The following CNTNAP2 variants were observed in gnomAD, a reference collection of about 807,000 sequenced individuals.
The protein encoded by CNTNAP2 is contactin associated protein 2.
CNTNAP2 carries 98 observed loss-of-function variants against 155.2 expected under a neutral mutation model. The observed-to-expected ratio is 0.63, with a 90% CI of 0.54 to 0.75. The LOEUF (loss-of-function observed/expected upper bound fraction) is 0.75. CNTNAP2 is among the 30% of genes least tolerant of loss of function. CNTNAP2 has a pLI of 0.00. For missense variants in CNTNAP2, 1,727 were observed against 1,688.1 expected (o/e 1.02, Z -0.40); for synonymous variants, 651 against 631.2 (o/e 1.03, Z -0.47).
intron 3 of CNTNAP2, among the ~76,000 whole-genome samples, chr7:146,917,518 T>A (rs1796417727): frequency 6.6e-6 from 1 of 152,192 alleles, no homozygotes; most frequent in Non-Finnish European, 1.5e-5. Flanking sequence ...CTTAGGATTA[T>A]GATATTTTCC....
chr7:146,857,198 AAGG>A (rs140617288), intron 3 of CNTNAP2, among the ~76,000 whole-genome samples: 8,584 of 151,828 alleles, frequency 0.057, 358 homozygotes, highest in South Asian at 0.12. Flanking sequence ...GTGGTGGAAA[AAGG>A]AGAGAGAAGG....
Position 146,207,155 on chromosome 7 carries a change from G to C in CNTNAP2, c.97+90182G>C, listed in dbSNP as rs141803737. ...CCCTTTTCCAGTGGAGCCTTTTAAG[G>C]TATTCACAGCTTTCATTCTAATTTA... is the stretch of plus-strand genomic sequence containing the variant. On this transcript the variant is annotated intron_variant, in intron 1 of 23. Coordinates refer to ENST00000361727, the MANE Select transcript of CNTNAP2 (RefSeq NM_014141.6). Among the ~76,000 whole-genome samples, 755 of 151,938 alleles carry C rather than the reference G, an allele frequency of 5.0e-3. 6 individuals are homozygous for C. The highest frequency in any genetic ancestry group is 0.017 in the African/African-American group (714 of 41,506).
intron 1 of CNTNAP2, among the ~76,000 whole-genome samples, chr7:146,441,621 A>G (rs1453385248): frequency 6.6e-6 from 1 of 151,438 alleles, no homozygotes; most frequent in Non-Finnish European, 1.5e-5. Flanking sequence ...TCTGGAGTCT[A>G]CTGAGGAAGG....
chr7:148,397,570 TGCTACTAAATACA>T lies in CNTNAP2; in HGVS notation c.3716-11820_3716-11808del, dbSNP rs1457849065. Among the ~76,000 whole-genome samples, 6 of 152,362 alleles carry T rather than the reference TGCTACTAAATACA, an allele frequency of 3.9e-5. No individual in the cohort carries two copies. In the East Asian group the frequency reaches 1.2e-3, roughly 29 times the overall value. On this transcript the variant is annotated intron_variant, in intron 22 of 23. Coordinates refer to ENST00000361727, the MANE Select transcript of CNTNAP2 (RefSeq NM_014141.6). ...TTTGCATACCTGTTGGTGAAATCCC[TGCTACTAAATACA>T]CTTTGCTTTTTCTTGTTCCACATTC... is the stretch of plus-strand genomic sequence containing the variant.
At position 147,073,989 on chromosome 7, in the gene CNTNAP2, T is replaced by C. The variant is rs116367322; in HGVS notation, c.550+29935T>C. Among the ~76,000 whole-genome samples, 1,079 of 152,300 alleles carry C rather than the reference T, an allele frequency of 7.1e-3. 18 individuals are homozygous for C. The highest frequency in any genetic ancestry group is 0.024 in the African/African-American group (1,002 of 41,570). On this transcript the variant is annotated intron_variant, in intron 4 of 23. Transcript: ENST00000361727. ...GAGGCATTTCATTTGTTCGCTCTTT[T>C]AAACAGCCTGCTTTTGGAATCAAGA...
Position 146,512,639 on chromosome 7 carries a change from C to A in CNTNAP2, c.98-261632C>A, listed in dbSNP as rs763546660. Among the ~76,000 whole-genome samples the A allele has an allele frequency of 5.3e-5, 8 of 151,380 alleles. No individual in the cohort carries two copies. In the East Asian group the frequency reaches 1.4e-3, roughly 26 times the overall value. ...GATTTATGATTTTTTCCATTGTGGT[C>A]GGAAAAGATATTTAATACTTGACTG... On this transcript the variant is annotated intron_variant, in intron 1 of 23. Coordinates refer to ENST00000361727, the MANE Select transcript of CNTNAP2 (RefSeq NM_014141.6).
At chr7:146,661,301 G>T (rs1277831004) in intron 1 of CNTNAP2, among the ~76,000 whole-genome samples, 1 of 151,194 alleles carries the variant, frequency 6.6e-6, no homozygotes, top group Non-Finnish European at 1.5e-5. Flanking sequence ...TTTTAATTGG[G>T]TTCATTAAAT....
intron 13 of CNTNAP2, among the ~76,000 whole-genome samples, chr7:147,888,614 A>C (rs1799636173): frequency 6.6e-6 from 1 of 151,816 alleles, no homozygotes; most frequent in Non-Finnish European, 1.5e-5. Context: ...AGTGGATGTA[A>C]GCCAGAATGA....
intron 2 of CNTNAP2, among the ~76,000 whole-genome samples, chr7:146,775,336 CTG>C (rs1358593109): frequency 6.6e-6 from 1 of 152,036 alleles, no homozygotes; most frequent in Non-Finnish European, 1.5e-5. Context: ...TGAAAAATAA[CTG>C]TGTTGTGATG....
At chr7:146,233,617 C>A (rs1249148527) in intron 1 of CNTNAP2, among the ~76,000 whole-genome samples, 1 of 152,120 alleles carries the variant, frequency 6.6e-6, no homozygotes, top group East Asian at 1.9e-4. Context: ...CCTCCCCCTT[C>A]CCCCCACACC....
Position 148,249,931 on chromosome 7 carries a change from C to T in CNTNAP2, c.3382-17102C>T, listed in dbSNP as rs80134172. 1.2e-4 allele frequency among the ~76,000 whole-genome samples: 19 copies of T among 152,330 alleles called. No homozygotes were observed. The East Asian group carries it at 3.3e-3, about 26-fold the overall frequency. On this transcript the variant is annotated intron_variant, in intron 20 of 23. Coordinates refer to ENST00000361727, the MANE Select transcript of CNTNAP2 (RefSeq NM_014141.6). ...GCTTCCTCCCTTGCCCTTGCAGGAG[C>T]GTCTCTGACATCACTACCCCATCTG...
chr7:148,384,324 G>A (rs1799141920), intron 22 of CNTNAP2, among the ~76,000 whole-genome samples: 1 of 152,134 alleles, frequency 6.6e-6, no homozygotes, highest in Non-Finnish European at 1.5e-5. Context: ...GAATAATACT[G>A]GTGGCTTCCA....
intron 18 of CNTNAP2, among the ~76,000 whole-genome samples, chr7:148,195,049 G>C (rs1328899019): frequency 6.6e-6 from 1 of 152,150 alleles, no homozygotes; most frequent in Admixed American, 6.5e-5. Flanking sequence ...CCAAATGATT[G>C]TCAGAAATCT....
intron 19 of CNTNAP2, among the ~76,000 whole-genome samples, chr7:148,225,762 A>G (rs111956290): frequency 1.3e-5 from 2 of 152,178 alleles, no homozygotes; most frequent in Non-Finnish European, 2.9e-5. Flanking sequence ...ACAAGTGGTA[A>G]GATTCAGGGC....
In CNTNAP2 at chr7:147,046,855, C is replaced by T. The variant is rs111939183; in HGVS notation, c.550+2801C>T. Among the ~76,000 whole-genome samples, 1,443 of 151,832 alleles carry T rather than the reference C, an allele frequency of 9.5e-3. 23 individuals are homozygous for T. The highest frequency in any genetic ancestry group is 0.032 in the African/African-American group (1,338 of 41,440). ...CCATCCTGGATAACACGGTGAAACCCCGTCTCTACTAAAAATACAAAACAA... is the reference window on the plus strand; with the variant it reads ...CCATCCTGGATAACACGGTGAAACCTCGTCTCTACTAAAAATACAAAACAA... On this transcript the variant is annotated intron_variant, in intron 4 of 23. Transcript: ENST00000361727.
At chr7:147,582,989 T>C (rs1240835320) in intron 12 of CNTNAP2, among the ~76,000 whole-genome samples, 1 of 152,126 alleles carries the variant, frequency 6.6e-6, no homozygotes, top group Non-Finnish European at 1.5e-5. Flanking sequence ...TGTGTATTCC[T>C]GGGAAATCTA....
At chr7:146,828,711 C>A (rs1334676286) in intron 2 of CNTNAP2, among the ~76,000 whole-genome samples, 1 of 152,092 alleles carries the variant, frequency 6.6e-6, no homozygotes, top group Non-Finnish European at 1.5e-5. Context: ...GATTATACAT[C>A]ATTTATACTG....
intron 10 of CNTNAP2, among the ~76,000 whole-genome samples, chr7:147,434,453 C>A (rs973792690): frequency 2.6e-5 from 4 of 152,156 alleles, no homozygotes; most frequent in Non-Finnish European, 5.9e-5. Context: ...ACTGTTTGAA[C>A]ACTCCCTTCT....
At position 148,368,729 on chromosome 7, in the gene CNTNAP2, C is replaced by T. The variant is rs10263241; in HGVS notation, c.3476-14920C>T. ...CTGTCCCTTTTAAGGGCTCACAACT[C>T]TAAGGGGGTTCCGTGTGAGAGGGTC... On this transcript the variant is annotated intron_variant, in intron 21 of 23. Transcript: ENST00000361727. Among the ~76,000 whole-genome samples, 1,378 of 152,278 alleles carry T rather than the reference C, an allele frequency of 9.0e-3. 28 individuals carry two copies. The highest frequency in any genetic ancestry group is 0.031 in the African/African-American group (1,291 of 41,546).
Sources: allele counts gnomAD v4.1 joint callset (sites outside exome capture counted in the v4.1 genomes callset), GRCh38; gene constraint gnomAD v4.1.1; transcripts MANE v1.5; gene names NCBI Gene and HGNC (gene_info 2026-07-23, HGNC 2026-07-21).